CRKL: variants seen among roughly 807,000 people sequenced by gnomAD.
CRKL encodes the protein crk-like protein.
A neutral mutation model predicts 23.0 loss-of-function variants in CRKL; 3 were observed. The observed-to-expected ratio is 0.13, with a 90% CI of 0.06 to 0.34. CRKL has a LOEUF of 0.34. CRKL is among the 10% of genes least tolerant of loss of function. The pLI is 1.00. For missense variants in CRKL, 256 were observed against 394.5 expected (o/e 0.65, Z 2.97); for synonymous variants, 188 against 160.7 (o/e 1.17, Z -1.28).
intron 1 of CRKL, among the ~76,000 whole-genome samples, chr22:20,918,473 G>A (rs750735749): frequency 6.6e-6 from 1 of 151,922 alleles, no homozygotes; most frequent in African/African-American, 2.4e-5. Flanking sequence ...TCAATGTGAA[G>A]AGGATGCGTT....
At position 20,934,111 on chromosome 22, in the gene CRKL, C is replaced by T. The variant is rs1336540725; in HGVS notation, c.644C>T (p.Pro215Leu). Reference protein sequence around the residue: ...HAYAQPQTTTPLPAVSGSPGA... With the variant: ...HAYAQPQTTTLLPAVSGSPGA... ...TACGCTCAACCTCAGACCACAACTC[C>T]TCTACCTGCAGTTTCCGGTTCTCCT... Residue 215 changes from proline (P) to leucine (L), a missense_variant, in exon 2 of 3, where the codon CCT becomes CTT. Around this residue, in one of 3 missense-constraint regions of CRKL, gnomAD observed 129 missense variants for 222.1 expected, o/e 0.58. Transcript: ENST00000354336. The T allele has an allele frequency of 1.2e-6, 2 of 1,614,206 alleles. No homozygotes were observed. The highest frequency in any genetic ancestry group is 1.7e-5 in the Admixed American group (1 of 60,020).
chr22:20,935,370 C>G (rs1921615926), intron 2 of CRKL, among the ~76,000 whole-genome samples: 1 of 151,654 alleles, frequency 6.6e-6, no homozygotes, highest in Non-Finnish European at 1.5e-5. Flanking sequence ...GCCTTGGCCT[C>G]CCAAAGTGCT....
At chr22:20,922,263 C>A (rs1454344949) in intron 1 of CRKL, among the ~76,000 whole-genome samples, 1 of 151,976 alleles carries the variant, frequency 6.6e-6, no homozygotes, top group Non-Finnish European at 1.5e-5. Context: ...CCTCATGATC[C>A]ACCTGCCTCA....
At chr22:20,918,482 T>C (rs941686823) in intron 1 of CRKL, among the ~76,000 whole-genome samples, 1 of 152,054 alleles carries the variant, frequency 6.6e-6, no homozygotes, top group Non-Finnish European at 1.5e-5. Flanking sequence ...AGAGGATGCG[T>C]TTTGAATGTT....
chr22:20,945,668 G>T lies in CRKL; in HGVS notation c.778-4043G>T, dbSNP rs544587425. Among the ~76,000 whole-genome samples the T allele has an allele frequency of 2.6e-5, 4 of 152,284 alleles. No homozygotes were observed. In the South Asian group the frequency reaches 8.3e-4, roughly 32 times the overall value. On this transcript the variant is annotated intron_variant, in intron 2 of 2. Transcript: ENST00000354336. ...TGAGATTACTTGACTGCTAGCCAGGGCACACAGACAGGGAGCCTAGCCCTC... is the reference window on the plus strand; with the variant it reads ...TGAGATTACTTGACTGCTAGCCAGGTCACACAGACAGGGAGCCTAGCCCTC...
chr22:20,943,673 G>A (rs539516381), intron 2 of CRKL, among the ~76,000 whole-genome samples: 1 of 152,236 alleles, frequency 6.6e-6, no homozygotes, highest in South Asian at 2.1e-4. Context: ...TTTCCCTGTT[G>A]AATAGACTTG....
intron 2 of CRKL, among the ~76,000 whole-genome samples, chr22:20,936,617 C>G (rs1161572843): frequency 6.6e-6 from 1 of 152,158 alleles, no homozygotes; most frequent in Non-Finnish European, 1.5e-5. Flanking sequence ...TCCCAAAGTG[C>G]TGGGATTACA....
rs189301846 is a variant in CRKL, at chr22:20,943,854, T to C, written c.778-5857T>C. Among the ~76,000 whole-genome samples, 257 of 152,244 alleles carry C rather than the reference T, an allele frequency of 1.7e-3. 2 individuals carry two copies. Among genetic ancestry groups the C allele is most frequent in the African/African-American group, 6.0e-3 (248 of 41,540 alleles). Reference sequence around the variant, plus strand: ...TAAAAAAAAATCACTTGATCATAAATGTGTGGGTTTATTTTTGACCTCTGA... The same window carrying C: ...TAAAAAAAAATCACTTGATCATAAACGTGTGGGTTTATTTTTGACCTCTGA... On this transcript the variant is annotated intron_variant, in intron 2 of 2. Transcript: ENST00000354336.
Position 20,917,701 on chromosome 22 carries a change from G to A in CRKL, c.-234G>A, listed in dbSNP as rs1929741786. On this transcript the variant is annotated 5_prime_UTR_variant, in exon 1 of 3. Transcript: ENST00000354336. ...TTGCCTGCCCCGACCCCCCGGCTCTGCCGTGCATTCCCGGGCGGCTCTCTC... is the reference window on the plus strand; with the variant it reads ...TTGCCTGCCCCGACCCCCCGGCTCTACCGTGCATTCCCGGGCGGCTCTCTC... 2 of 560,894 alleles carry A rather than the reference G, an allele frequency of 3.6e-6. 1 individual carries two copies. The highest frequency in any genetic ancestry group is 4.6e-5 in the South Asian group (2 of 43,456). 34.7% of individuals were successfully genotyped at this position (560,894 alleles called of 1,614,324 possible). A position where few individuals can be genotyped will look rare whatever the true frequency, so the allele number is the denominator to read the frequency against.
chr22:20,930,155 T>C (rs1186209471), intron 1 of CRKL, among the ~76,000 whole-genome samples: 1 of 152,094 alleles, frequency 6.6e-6, no homozygotes, highest in Non-Finnish European at 1.5e-5. Context: ...TTTATCAAAT[T>C]TCTACACAGA....
rs567726234 is a variant in CRKL at position 20,945,139 on chromosome 22, G to A, written c.778-4572G>A. On this transcript the variant is annotated intron_variant, in intron 2 of 2. Coordinates refer to ENST00000354336, the MANE Select transcript of CRKL (RefSeq NM_005207.4). ...CTCCCAAGTAGCTGGGACTACAGGC[G>A]CCTCCTACCACGCCCGGCTAATTTT... Among the ~76,000 whole-genome samples, 397 of 151,844 alleles carry A rather than the reference G, an allele frequency of 2.6e-3. 4 individuals are homozygous for A. The highest frequency in any genetic ancestry group is 9.0e-3 in the African/African-American group (374 of 41,400).
At chr22:20,941,552 G>GTGTGTGTGTATATATATATA (rs1921875210) in intron 2 of CRKL, among the ~76,000 whole-genome samples, 1 of 35,712 alleles carries the variant, frequency 2.8e-5, no homozygotes, top group African/African-American at 9.7e-5. Flanking sequence ...GTGTGTGTGT[G>GTGTGTGTGTATATATATATA]TGTGTGTGTG....
At chr22:20,920,373 G>A (rs2147893881) in intron 1 of CRKL, among the ~76,000 whole-genome samples, 1 of 152,096 alleles carries the variant, frequency 6.6e-6, no homozygotes, top group South Asian at 2.1e-4. Flanking sequence ...GTAGTGGTGG[G>A]TGCCTGTAAT....
intron 1 of CRKL, among the ~76,000 whole-genome samples, chr22:20,922,201 TTAG>T (rs1362855772): frequency 2.0e-5 from 3 of 151,612 alleles, no homozygotes; most frequent in African/African-American, 7.3e-5. Context: ...TTTTGTATTT[TTAG>T]TAGAGACAAG....
intron 1 of CRKL, among the ~76,000 whole-genome samples, chr22:20,930,402 T>C (rs1348247691): frequency 6.6e-6 from 1 of 152,184 alleles, no homozygotes; most frequent in Non-Finnish European, 1.5e-5. Flanking sequence ...GTTTTTAAGA[T>C]GGAGTCTTGC....
intron 2 of CRKL, among the ~76,000 whole-genome samples, chr22:20,947,437 AT>A (rs1285844581): frequency 6.6e-6 from 1 of 151,130 alleles, no homozygotes; most frequent in African/African-American, 2.4e-5. Flanking sequence ...GGTTCAAGTG[AT>A]TCTCCTGCGT....
chr22:20,934,847 T>G (rs1379500551), intron 2 of CRKL, among the ~76,000 whole-genome samples: 1 of 128,844 alleles, frequency 7.8e-6, no homozygotes, highest in Non-Finnish European at 1.6e-5. Flanking sequence ...GGAGTCTCAC[T>G]CTGTCGCCCA....
At chr22:20,935,051 T>TGA (rs1170897565) in intron 2 of CRKL, among the ~76,000 whole-genome samples, 2 of 151,996 alleles carry the variant, frequency 1.3e-5, no homozygotes, top group Non-Finnish European at 2.9e-5. Flanking sequence ...CCTGACCTCG[T>TGA]GATCTGCCTA....
intron 1 of CRKL, among the ~76,000 whole-genome samples, chr22:20,925,216 C>T (rs1222606832): frequency 6.9e-6 from 1 of 145,896 alleles, no homozygotes. Flanking sequence ...GAGTTGTGTT[C>T]CCATGGAAAG....
Sources: allele counts gnomAD v4.1 joint callset (sites outside exome capture counted in the v4.1 genomes callset), GRCh38; gene constraint gnomAD v4.1.1; regional missense constraint gnomAD v4.1.1; transcripts MANE v1.5; gene names NCBI Gene and HGNC (gene_info 2026-07-23, HGNC 2026-07-21).